The following PPP1CB variants were observed in gnomAD, a reference collection of about 807,000 sequenced individuals.
The protein encoded by PPP1CB is serine/threonine-protein phosphatase PP1-beta catalytic subunit.
PPP1CB carries 2 observed loss-of-function variants against 43.7 expected under a neutral mutation model. The ratio of observed to expected loss-of-function variants is 0.05; its 90% confidence interval spans 0.02 to 0.14. The LOEUF (loss-of-function observed/expected upper bound fraction) is 0.14, where lower values mean the gene tolerates loss of function less well. Among genes scored for constraint, PPP1CB ranks in the 10% least tolerant of loss-of-function variants. The probability of loss-of-function intolerance (pLI) is 1.00; values close to 1 mark genes in which losing one functional copy is unlikely to be tolerated. For synonymous variants in PPP1CB, 136 were observed against 135.6 expected (o/e 1.00, Z -0.02); for missense variants, 84 against 398.0 (o/e 0.21, Z 6.71).
rs963493983 is a variant in PPP1CB at position 28,802,836 on chromosome 2, C to G, written c.*3533C>G. The G allele has an allele frequency of 6.6e-6, 1 of 152,220 alleles. No homozygotes were observed. The highest frequency in any genetic ancestry group is 1.5e-5 in the Non-Finnish European group (1 of 68,040). 9.4% of individuals were successfully genotyped at this position (152,220 alleles called of 1,614,324 possible). A position where few individuals can be genotyped will look rare whatever the true frequency, so the allele number is the denominator to read the frequency against. On this transcript the variant is annotated 3_prime_UTR_variant, in exon 8 of 8. Coordinates refer to ENST00000395366, the MANE Select transcript of PPP1CB (RefSeq NM_002709.3). Reference sequence around the variant, plus strand: ...GCTTGTTTTCTTCAACCACTACCTTCTACATTGGTTGACTTAGACCGTAAG... The same window carrying G: ...GCTTGTTTTCTTCAACCACTACCTTGTACATTGGTTGACTTAGACCGTAAG...
chr2:28,789,218 AT>A (rs1667335998), intron 6 of PPP1CB, among the ~76,000 whole-genome samples: 1 of 152,036 alleles, frequency 6.6e-6, no homozygotes, highest in South Asian at 2.1e-4. Flanking sequence ...GTTTAGAAAT[AT>A]TTTGGGGCTG....
rs568244374 is a variant in PPP1CB at position 28,752,652 on chromosome 2, A to G, written c.52+476A>G. On this transcript the variant is annotated intron_variant, in intron 1 of 7. Transcript: ENST00000395366. The stretch of plus-strand genomic sequence containing the variant: ...CCGGGAGTGAATTTTACGTATATAT[A>G]TATAAACCTGTCCTTAACAGGACTG... 6.6e-5 allele frequency among the ~76,000 whole-genome samples: 10 copies of G among 152,316 alleles called. No individual in the cohort carries two copies. In the South Asian group the frequency reaches 1.7e-3, roughly 25 times the overall value.
chr2:28,780,159 G>A (rs1048484340), intron 3 of PPP1CB, among the ~76,000 whole-genome samples: 7 of 140,930 alleles, frequency 5.0e-5, no homozygotes, highest in Admixed American at 8.0e-5. Flanking sequence ...CACGATCTCA[G>A]CTCACTGCAA....
rs1667208711 is a variant in PPP1CB at position 28,783,890 on chromosome 2, C to T, written c.521-17C>T. ...ATTTTTAGCTGTTAGTACTATGTCT[C>T]ATCTTTTTATTTATAGGATTGTCAC... On this transcript the variant is annotated splice_polypyrimidine_tract_variant and intron_variant, in intron 4 of 7. Transcript: ENST00000395366. 7 of 1,593,644 alleles carry T rather than the reference C, an allele frequency of 4.4e-6. No individual in the cohort carries two copies. Among genetic ancestry groups the T allele is most frequent in the South Asian group, 1.1e-5 (1 of 90,452 alleles).
At chr2:28,774,488 C>T (rs866728145) in intron 1 of PPP1CB, among the ~76,000 whole-genome samples, 2 of 152,040 alleles carry the variant, frequency 1.3e-5, no homozygotes, top group African/African-American at 2.4e-5. Flanking sequence ...TGCTGTGGTG[C>T]GATCTCGGCT....
At chr2:28,766,942 G>A (rs1382407802) in intron 1 of PPP1CB, among the ~76,000 whole-genome samples, 11 of 152,132 alleles carry the variant, frequency 7.2e-5, no homozygotes, top group African/African-American at 1.7e-4. Context: ...TTAGCCGGGC[G>A]TGGTGGCGGG....
Position 28,771,226 on chromosome 2 carries a change from G to C in PPP1CB, c.53-5625G>C, listed in dbSNP as rs140217489. 4.9e-3 allele frequency among the ~76,000 whole-genome samples: 747 copies of C among 152,000 alleles called. 7 individuals are homozygous for C. The highest frequency in any genetic ancestry group is 0.017 in the African/African-American group (712 of 41,452). On this transcript the variant is annotated intron_variant, in intron 1 of 7. Transcript: ENST00000395366. ...CTGCCATCACGCCTGGCTAATTTTT[G>C]TATTTTTAGTAGAGGCGGAGTTTCA...
At chr2:28,767,278 A>G (rs1370647707) in intron 1 of PPP1CB, among the ~76,000 whole-genome samples, 1 of 152,124 alleles carries the variant, frequency 6.6e-6, no homozygotes, top group East Asian at 1.9e-4. Flanking sequence ...TAATTTTTTA[A>G]AAAGTTCCCT....
At chr2:28,775,763 G>T (rs1371528415) in intron 1 of PPP1CB, among the ~76,000 whole-genome samples, 1 of 152,114 alleles carries the variant, frequency 6.6e-6, no homozygotes, top group African/African-American at 2.4e-5. Context: ...AGGGGAGATG[G>T]TGATGAGAGG....
chr2:28,762,112 C>A lies in PPP1CB; in HGVS notation c.52+9936C>A, dbSNP rs187561540. Reference sequence around the variant, plus strand: ...CCAGCCTGGGCAACATGGTGAAACCCCATCTCCTAAAAATATAAAAAAGTT... The same window carrying A: ...CCAGCCTGGGCAACATGGTGAAACCACATCTCCTAAAAATATAAAAAAGTT... On this transcript the variant is annotated intron_variant, in intron 1 of 7. Coordinates refer to ENST00000395366, the MANE Select transcript of PPP1CB (RefSeq NM_002709.3). Among the ~76,000 whole-genome samples the A allele has an allele frequency of 1.3e-3, 205 of 152,162 alleles. 1 individual carries two copies. The highest frequency in any genetic ancestry group is 2.4e-3 in the Non-Finnish European group (161 of 68,008).
At chr2:28,791,693 A>G (rs1241671144) in intron 6 of PPP1CB, among the ~76,000 whole-genome samples, 3 of 152,210 alleles carry the variant, frequency 2.0e-5, no homozygotes, top group African/African-American at 4.8e-5. Flanking sequence ...CTTCTATTAA[A>G]TAACAAGGCA....
intron 5 of PPP1CB, 93 bp downstream of exon 5, chr2:28,784,071 T>C: frequency 1.1e-6 from 1 of 921,170 alleles, no homozygotes; most frequent in South Asian, 1.7e-5. Context: ...GCTTATGTAA[T>C]AAATAAAAGA....
chr2:28,764,918 C>A (rs1314559683), intron 1 of PPP1CB, among the ~76,000 whole-genome samples: 7 of 147,608 alleles, frequency 4.7e-5, no homozygotes, highest in African/African-American at 7.5e-5. Flanking sequence ...GACCCTGTCT[C>A]AAAAAAAAAA....
At chr2:28,760,360 T>C (rs1393811566) in intron 1 of PPP1CB, among the ~76,000 whole-genome samples, 1 of 152,240 alleles carries the variant, frequency 6.6e-6, no homozygotes, top group Non-Finnish European at 1.5e-5. Context: ...AAAAATATTT[T>C]TATCTTTATT....
At chr2:28,778,106 AGTATTCTTTGAAG>A (rs1363949822) in intron 2 of PPP1CB, among the ~76,000 whole-genome samples, 44 of 152,360 alleles carry the variant, frequency 2.9e-4, no homozygotes, top group Non-Finnish European at 5.0e-4. Context: ...TTAGAATTAA[AGTATTCTTTGAAG>A]GTGTTCTTTA....
At chr2:28,785,107 G>C (rs1486999873) in intron 5 of PPP1CB, among the ~76,000 whole-genome samples, 1 of 64,000 alleles carries the variant, frequency 1.6e-5, no homozygotes, top group African/African-American at 5.9e-5. Context: ...ACAGAGTCTT[G>C]CCCTGTCACC....
chr2:28,764,256 C>G (rs755602143), intron 1 of PPP1CB, among the ~76,000 whole-genome samples: 2 of 151,610 alleles, frequency 1.3e-5, no homozygotes, highest in African/African-American at 2.4e-5. Context: ...GTCAGGAGAT[C>G]GAGACCATCC....
At chr2:28,753,601 G>T (rs1435864960) in intron 1 of PPP1CB, among the ~76,000 whole-genome samples, 2 of 152,178 alleles carry the variant, frequency 1.3e-5, no homozygotes, top group Non-Finnish European at 2.9e-5. Context: ...TGAACATCTT[G>T]CTGGGTCTTT....
Position 28,800,807 on chromosome 2 carries a change from A to G in PPP1CB, c.*1504A>G, listed in dbSNP as rs1012893737. 6 of 152,528 alleles carry G rather than the reference A, an allele frequency of 3.9e-5. No homozygotes were observed. The highest frequency in any genetic ancestry group is 1.2e-4 in the African/African-American group (5 of 41,440). The allele number at this position is 152,528 out of a possible 1,614,324, so 9.4% of individuals were successfully genotyped here. On this transcript the variant is annotated 3_prime_UTR_variant, in exon 8 of 8. Transcript: ENST00000395366. ...ATAATGCCCTTCTATATGTGCTACC[A>G]TAGATGTGACATTTTTGACCTTAAT...
Sources: gnomAD v4.1 joint callset for allele counts (sites outside exome capture counted in the v4.1 genomes callset) on GRCh38, gnomAD v4.1.1 for gene constraint, MANE v1.5 for transcripts, NCBI Gene and HGNC (gene_info 2026-07-23, HGNC 2026-07-21) for gene names.